Variants in DPH6 observed in about 807,000 individuals in gnomAD.
DPH6 encodes the protein diphthamine biosynthesis 6.
DPH6 carries 33 observed loss-of-function variants against 38.2 expected under a neutral mutation model. The ratio of observed to expected loss-of-function variants is 0.86; its 90% CI spans 0.65 to 1.15. DPH6 has a LOEUF of 1.15. Ranked by LOEUF, DPH6 falls within the 50% of genes most tolerant of loss-of-function variation. The pLI is 0.00. For synonymous variants in DPH6, 108 were observed against 103.0 expected, an observed-to-expected ratio of 1.05 and a Z score of -0.30; for missense variants, 325 against 320.0, an observed-to-expected ratio of 1.02 and a Z score of -0.12.
intron 3 of DPH6, among the ~76,000 whole-genome samples, chr15:35,224,100 G>GTTTTTTTTTT (rs142813866): frequency 6.8e-5 from 6 of 88,886 alleles, no homozygotes; most frequent in East Asian, 3.6e-4. Flanking sequence ...CATGATTTTA[G>GTTTTTTTTTT]TTTTTTTTTT....
chr15:35,546,097 G>C (rs777822195), intron 1 of DPH6, 22 bp downstream of exon 1: 1 of 1,385,028 alleles, frequency 7.2e-7, no homozygotes, highest in Admixed American at 2.7e-5. Context: ...GGAGGAAGGA[G>C]GCGGCTCCAG....
chr15:35,470,580 C>T (rs1033587732), intron 3 of DPH6, among the ~76,000 whole-genome samples: 1 of 152,186 alleles, frequency 6.6e-6, no homozygotes, highest in African/African-American at 2.4e-5. Context: ...AAAGGTAACA[C>T]GTTTGCTCCT....
chr15:35,312,948 C>G (rs2140829059), intron 3 of DPH6, among the ~76,000 whole-genome samples: 1 of 152,278 alleles, frequency 6.6e-6, no homozygotes, highest in African/African-American at 2.4e-5. Context: ...TGAAGTCAGG[C>G]TGGGCGCAAT....
intron 6 of DPH6, among the ~76,000 whole-genome samples, chr15:35,385,419 A>G (rs536049166): frequency 4.6e-5 from 7 of 152,342 alleles, no homozygotes; most frequent in African/African-American, 1.4e-4. Context: ...CATATACAGC[A>G]TGGAGTACTA....
At chr15:35,354,246 T>G (rs1175903884) in intron 3 of DPH6, among the ~76,000 whole-genome samples, 1 of 152,192 alleles carries the variant, frequency 6.6e-6, no homozygotes. Flanking sequence ...TTTGACTTCC[T>G]CTTTTCCTAA....
the DPH6 span, among the ~76,000 whole-genome samples, chr15:35,186,270 C>A: frequency 2.0e-5 from 3 of 152,210 alleles, no homozygotes; most frequent in East Asian, 5.8e-4. Context: ...GGGGGCAGTA[C>A]ATAAGGTGTG....
rs1260529337 is a variant in DPH6, at chr15:35,284,103, G to A, written n.201-63521C>T. The stretch of plus-strand genomic sequence containing the variant: ...AACAGGGAAGCTTTCCATTTCAAGT[G>A]TGATCTGATCATCTTCCACAGTCAA... On this transcript the variant is annotated intron_variant and non_coding_transcript_variant, in intron 3 of 3. Transcript: ENST00000560386. 2.0e-5 allele frequency among the ~76,000 whole-genome samples: 3 copies of A among 152,152 alleles called. No homozygotes were observed. The East Asian group carries it at 5.8e-4, about 29-fold the overall frequency.
At chr15:35,276,224 G>T (rs2140431710) in intron 3 of DPH6, among the ~76,000 whole-genome samples, 1 of 152,236 alleles carries the variant, frequency 6.6e-6, no homozygotes, top group African/African-American at 2.4e-5. Flanking sequence ...TTGGCCATTT[G>T]TATATCTTCT....
intron 3 of DPH6, chr15:35,522,067 T>C (rs1201439510): frequency 6.2e-6 from 10 of 1,608,262 alleles, no homozygotes; most frequent in Non-Finnish European, 8.5e-6. Flanking sequence ...GGAAAAGGGT[T>C]GAGGGGAATC....
chr15:35,397,087 G>C (rs563612456), intron 6 of DPH6, among the ~76,000 whole-genome samples: 1 of 152,304 alleles, frequency 6.6e-6, no homozygotes, highest in African/African-American at 2.4e-5. Context: ...AAGGAAGTCT[G>C]TATTTTTAAA....
At chr15:35,442,321 AATGAG>A (rs1421573919) in intron 5 of DPH6, among the ~76,000 whole-genome samples, 2 of 152,220 alleles carry the variant, frequency 1.3e-5, no homozygotes, top group African/African-American at 4.8e-5. Context: ...ATAAAACCAC[AATGAG>A]ATAAGACTTT....
chr15:35,306,243 A>G (rs2052089779), intron 3 of DPH6, among the ~76,000 whole-genome samples: 1 of 152,246 alleles, frequency 6.6e-6, no homozygotes, highest in Non-Finnish European at 1.5e-5. Flanking sequence ...CTTAAAGTTT[A>G]TAATACAGTG....
intron 5 of DPH6, among the ~76,000 whole-genome samples, chr15:35,422,738 C>A (rs1268661263): frequency 1.3e-5 from 2 of 151,924 alleles, no homozygotes; most frequent in Non-Finnish European, 2.9e-5. Flanking sequence ...TCTCCATCCT[C>A]TGGTAACTAC....
At chr15:35,449,378 G>A (rs1047405680) in intron 5 of DPH6, among the ~76,000 whole-genome samples, 9 of 151,908 alleles carry the variant, frequency 5.9e-5, no homozygotes, top group South Asian at 2.1e-4. Flanking sequence ...ACACAATATC[G>A]GTTATATACT....
chr15:35,521,288 T>C (rs2054919355), intron 3 of DPH6: 5 of 988,710 alleles, frequency 5.1e-6, no homozygotes, highest in Non-Finnish European at 6.0e-6. Flanking sequence ...AAAGCTTTTA[T>C]AATGGTCCTG....
intron 3 of DPH6, among the ~76,000 whole-genome samples, chr15:35,464,015 G>T (rs2054096601): frequency 6.6e-6 from 1 of 152,166 alleles, no homozygotes; most frequent in African/African-American, 2.4e-5. Context: ...AAGTCAAATG[G>T]CTGGGCGTGG....
At chr15:35,352,695 C>G (rs939896709) in intron 3 of DPH6, among the ~76,000 whole-genome samples, 26 of 152,174 alleles carry the variant, frequency 1.7e-4, no homozygotes, top group African/African-American at 4.6e-4. Flanking sequence ...GGACATTTGG[C>G]TTGGTTCCAA....
intron 3 of DPH6, among the ~76,000 whole-genome samples, chr15:35,496,552 T>G (rs1270389213): frequency 8.9e-5 from 1 of 11,298 alleles, no homozygotes; most frequent in Non-Finnish European, 1.3e-4. Flanking sequence ...GAAAGTTCCA[T>G]CTCAAAAAAA....
chr15:35,341,952 C>G (rs1270612641), intron 3 of DPH6, among the ~76,000 whole-genome samples: 4 of 152,208 alleles, frequency 2.6e-5, no homozygotes, highest in Non-Finnish European at 5.9e-5. Context: ...TTCTCCAAAG[C>G]CAGCAGGCTG....
Sources: allele counts gnomAD v4.1 joint callset (sites outside exome capture counted in the v4.1 genomes callset), GRCh38; gene constraint gnomAD v4.1.1; transcripts MANE v1.5; gene names NCBI Gene and HGNC (gene_info 2026-07-23, HGNC 2026-07-21).